The following SOX6 variants were observed in gnomAD, a reference collection of about 807,000 sequenced individuals.
SOX6 encodes the protein SRY-box transcription factor 6.
Under a neutral mutation model 97.8 loss-of-function variants are expected in SOX6, and 11 were observed. The observed-to-expected ratio is 0.11, with a 90% CI of 0.07 to 0.19. The LOEUF is 0.19. Ranked by LOEUF, SOX6 falls within the 10% of genes least tolerant of loss-of-function variation. The pLI is 1.00. For missense variants in SOX6, 810 were observed against 1,039.5 expected (o/e 0.78, Z 3.04); for synonymous variants, 360 against 371.4 (o/e 0.97, Z 0.35).
At chr11:16,112,410 G>T (rs1849253273) in intron 6 of SOX6, among the ~76,000 whole-genome samples, 1 of 152,074 alleles carries the variant, frequency 6.6e-6, no homozygotes, top group African/African-American at 2.4e-5. Context: ...TTATTTCAAA[G>T]CCTCATGCAT....
At chr11:16,048,481 A>G (rs1008515394) in intron 11 of SOX6, among the ~76,000 whole-genome samples, 1 of 152,180 alleles carries the variant, frequency 6.6e-6, no homozygotes, top group Non-Finnish European at 1.5e-5. Flanking sequence ...CTTGAGTAAC[A>G]TGTGAGAGGA....
chr11:16,308,232 A>G (rs1485596213), intron 3 of SOX6, among the ~76,000 whole-genome samples: 1 of 152,214 alleles, frequency 6.6e-6, no homozygotes, highest in Non-Finnish European at 1.5e-5. Context: ...AAGCATAATG[A>G]AAGAAAATGA....
At chr11:16,601,330 T>C (rs1213484099) in intron 4 of SOX6, among the ~76,000 whole-genome samples, 2 of 152,194 alleles carry the variant, frequency 1.3e-5, no homozygotes, top group Admixed American at 1.3e-4. Flanking sequence ...TTCTAGTACC[T>C]GTCTGTGCCT....
At chr11:16,620,956 T>C (rs1291092432) in intron 3 of SOX6, among the ~76,000 whole-genome samples, 1 of 152,230 alleles carries the variant, frequency 6.6e-6, no homozygotes, top group Non-Finnish European at 1.5e-5. Flanking sequence ...TGTGCAGTTA[T>C]TAAAAATACT....
intron 1 of SOX6, among the ~76,000 whole-genome samples, chr11:16,348,568 T>C (rs1177691101): frequency 2.0e-5 from 3 of 152,040 alleles, no homozygotes; most frequent in Admixed American, 6.6e-5. Context: ...CAACAAGAAA[T>C]ACTAATTCAT....
intron 2 of SOX6, among the ~76,000 whole-genome samples, chr11:16,332,733 A>G (rs1302928695): frequency 6.6e-6 from 1 of 152,210 alleles, no homozygotes; most frequent in Non-Finnish European, 1.5e-5. Flanking sequence ...CTCAATTTGC[A>G]TCACCTAAAA....
At chr11:16,119,199 T>C (rs1044123101) in intron 6 of SOX6, among the ~76,000 whole-genome samples, 5 of 152,132 alleles carry the variant, frequency 3.3e-5, no homozygotes, top group African/African-American at 1.2e-4. Flanking sequence ...GGAAAAGCCT[T>C]CAAGGTCAGA....
chr11:16,625,651 G>A (rs192888011), intron 3 of SOX6, among the ~76,000 whole-genome samples: 1 of 152,282 alleles, frequency 6.6e-6, no homozygotes, highest in Admixed American at 6.5e-5. Context: ...CTTCCTCTGG[G>A]GAAGGAATGG....
At chr11:16,334,713 C>A (rs577500681) in intron 2 of SOX6, among the ~76,000 whole-genome samples, 2 of 152,220 alleles carry the variant, frequency 1.3e-5, no homozygotes, top group African/African-American at 2.4e-5. Flanking sequence ...CAGGTATGAG[C>A]CACCACGCCT....
At chr11:16,622,656 C>G (rs1321350841) in intron 3 of SOX6, among the ~76,000 whole-genome samples, 1 of 152,180 alleles carries the variant, frequency 6.6e-6, no homozygotes, top group East Asian at 1.9e-4. Context: ...ATTTCTTTAT[C>G]CATTCATTGA....
chr11:16,463,649 A>G (rs947981936), intron 1 of SOX6, among the ~76,000 whole-genome samples: 3 of 152,140 alleles, frequency 2.0e-5, no homozygotes, highest in Non-Finnish European at 4.4e-5. Context: ...TCGACTGTCT[A>G]TTCTCTCCCA....
intron 3 of SOX6, among the ~76,000 whole-genome samples, chr11:16,285,594 G>C (rs1854711767): frequency 1.3e-5 from 2 of 152,012 alleles, no homozygotes; most frequent in Non-Finnish European, 2.9e-5. Flanking sequence ...TTAAATGTCA[G>C]GGTGTTTTTC....
chr11:16,534,094 A>C (rs72875212), intron 4 of SOX6, among the ~76,000 whole-genome samples: 1 of 152,280 alleles, frequency 6.6e-6, no homozygotes, highest in Non-Finnish European at 1.5e-5. Context: ...ACACATTTTC[A>C]ACACTGTATT....
At chr11:16,229,562 A>G (rs1482551746) in intron 4 of SOX6, among the ~76,000 whole-genome samples, 3 of 152,004 alleles carry the variant, frequency 2.0e-5, no homozygotes, top group Non-Finnish European at 4.4e-5. Context: ...AAAAGAGAAA[A>G]CAAATATGCA....
At chr11:16,572,406 T>C (rs1847947632) in intron 4 of SOX6, among the ~76,000 whole-genome samples, 1 of 152,232 alleles carries the variant, frequency 6.6e-6, no homozygotes, top group Non-Finnish European at 1.5e-5. Flanking sequence ...TAAGAAATAC[T>C]TTAAGCCATA....
chr11:16,007,770 C>A (rs1032441803), intron 13 of SOX6, among the ~76,000 whole-genome samples: 1 of 152,070 alleles, frequency 6.6e-6, no homozygotes, highest in Non-Finnish European at 1.5e-5. Context: ...CCAAATATGT[C>A]GGACAGAACT....
In SOX6 at chr11:16,111,845, G is replaced by T; in HGVS notation, c.856C>A (p.Gln286Lys). The T allele has an allele frequency of 3.1e-6, 5 of 1,612,894 alleles. No homozygotes were observed. The highest frequency in any genetic ancestry group is 4.2e-6 in the Non-Finnish European group (5 of 1,179,844). The change falls in exon 7 of 16, where the codon CAA (glutamine) becomes AAA (lysine). Residue 286 changes from glutamine (Q) to lysine (K), a missense_variant. Physicochemically the swap from Gln to Lys is moderately conservative, Grantham distance 53. This residue lies in a region of SOX6 where 244 missense variants were observed against 261.0 expected (regional missense o/e 0.93). Coordinates refer to ENST00000683767, the MANE Select transcript of SOX6 (RefSeq NM_001367873.1). Reference sequence around the variant, plus strand: ...CCAGGGGGGAAGAGGAATCCCTGTTGGGCAGCAGCAGCTGCTGCCAGAGTC... The same window carrying T: ...CCAGGGGGGAAGAGGAATCCCTGTTTGGCAGCAGCAGCTGCTGCCAGAGTC... ...QRTLAAAAAA[Q>K]QGFLFPPGIT...
chr11:16,234,479 A>C, intron 4 of SOX6, 103 bp downstream of exon 4: 1 of 698,950 alleles, frequency 1.4e-6, no homozygotes, highest in Non-Finnish European at 2.5e-6. Context: ...CAAATGTTAC[A>C]TGTAAGATTT....
intron 4 of SOX6, among the ~76,000 whole-genome samples, chr11:16,233,891 C>CA (rs1407828626): frequency 1.3e-5 from 2 of 151,376 alleles, no homozygotes; most frequent in Non-Finnish European, 2.9e-5. Flanking sequence ...CCTATAGGCC[C>CA]AGCTACTCAG....
Sources: allele counts gnomAD v4.1 joint callset (sites outside exome capture counted in the v4.1 genomes callset), GRCh38; gene constraint gnomAD v4.1.1; regional missense constraint gnomAD v4.1.1; transcripts MANE v1.5; gene names NCBI Gene and HGNC (gene_info 2026-07-23, HGNC 2026-07-21).